Variants in EXO1 observed in about 807,000 individuals in gnomAD.
The protein encoded by EXO1 is exonuclease 1.
EXO1 carries 69 observed loss-of-function variants against 84.5 expected under a neutral mutation model. That is an observed-to-expected ratio of 0.82 (90% CI 0.67 to 1.00). EXO1 has a LOEUF of 1.00. EXO1 is among the 50% of genes least tolerant of loss of function. The pLI, the probability that EXO1 is intolerant of heterozygous loss-of-function variation, is 0.00. For missense variants in EXO1, 1,045 were observed against 1,000.7 expected (o/e 1.04, Z -0.60); for synonymous variants, 373 against 366.1 (o/e 1.02, Z -0.21).
At chr1:241,870,444 G>A (rs1662023470) in intron 11 of EXO1, among the ~76,000 whole-genome samples, 1 of 152,176 alleles carries the variant, frequency 6.6e-6, no homozygotes, top group Non-Finnish European at 1.5e-5. Context: ...TTTAAGAATT[G>A]TCTAGTTGTT....
At chr1:241,851,722 A>G (rs1447606379) in intron 4 of EXO1, among the ~76,000 whole-genome samples, 1 of 152,190 alleles carries the variant, frequency 6.6e-6, no homozygotes, top group Non-Finnish European at 1.5e-5. Context: ...CTCATCTGCC[A>G]TTGAGAAATA....
chr1:241,853,330 A>G (rs745643236), intron 5 of EXO1, 28 bp from the exon 6 acceptor site: 8 of 1,611,612 alleles, frequency 5.0e-6, no homozygotes, highest in Non-Finnish European at 6.8e-6. Context: ...TAAATGTTTT[A>G]TATTTAAAAA....
chr1:241,880,008 AAAAAAAAAAG>A (rs1396596589), intron 13 of EXO1, among the ~76,000 whole-genome samples: 1 of 151,948 alleles, frequency 6.6e-6, no homozygotes, highest in Admixed American at 6.6e-5. Flanking sequence ...CTGTCTCAAA[AAAAAAAAAAG>A]AAAAAAAAAG....
chr1:241,857,357 C>T lies in EXO1; in HGVS notation c.418C>T (p.Gln140Ter). Residue 140 changes from glutamine to a stop codon, truncating the protein, a stop_gained, in exon 7 of 16, where the codon CAG becomes TAG. Transcript: ENST00000366548. LOFTEE classifies it high-confidence loss of function. ...AHKVIKAARS[Q>*]GVDCLVAPYE... Reference sequence around the variant, plus strand: ...TTCTCTCTTCTAGGCTGCCCGGTCTCAGGGGGTAGATTGCCTCGTGGCTCC... The same window carrying T: ...TTCTCTCTTCTAGGCTGCCCGGTCTTAGGGGGTAGATTGCCTCGTGGCTCC... 1 of 1,613,822 alleles carries T rather than the reference C, an allele frequency of 6.2e-7. No individual in the cohort carries two copies. The highest frequency in any genetic ancestry group is 8.5e-7 in the Non-Finnish European group (1 of 1,179,858).
chr1:241,850,836 CTTTTTTTTTTT>C (rs10641736), intron 4 of EXO1, among the ~76,000 whole-genome samples: 15 of 105,096 alleles, frequency 1.4e-4, no homozygotes, highest in African/African-American at 4.4e-4. Flanking sequence ...CTCCTTTATT[CTTTTTTTTTTT>C]TTTTTTTTTT....
rs1231153041 is a variant in EXO1 at position 241,889,454 on chromosome 1, G to GTATTTT, written c.2406-10_2406-5dup. 6 of 1,611,226 alleles carry GTATTTT rather than the reference G, an allele frequency of 3.7e-6. No homozygotes were observed. In the Admixed American group the frequency reaches 5.0e-5, roughly 13 times the overall value. ...TTAAAAATACCAAATGTATTTTATTGTATTTTGCAGAGATTCTGAAAAGCT... is the reference window on the plus strand; with the variant it reads ...TTAAAAATACCAAATGTATTTTATTGTATTTTTATTTTGCAGAGATTCTGAAAAGCT... On this transcript the variant is annotated splice_polypyrimidine_tract_variant and intron_variant, in intron 15 of 15. Coordinates refer to ENST00000366548, the MANE Select transcript of EXO1 (RefSeq NM_130398.4).
chr1:241,882,828 T>C (rs1327260036), intron 14 of EXO1, among the ~76,000 whole-genome samples: 2 of 152,212 alleles, frequency 1.3e-5, no homozygotes, highest in Non-Finnish European at 2.9e-5. Flanking sequence ...TCATTTTTTA[T>C]GAGAGTATAG....
intron 12 of EXO1, among the ~76,000 whole-genome samples, chr1:241,873,368 A>G (rs1260267583): frequency 1.3e-5 from 2 of 152,344 alleles, no homozygotes; most frequent in East Asian, 3.9e-4. Context: ...TAGTTCTGAC[A>G]TAAACCCCTT....
chr1:241,852,213 T>G, intron 4 of EXO1, 79 bp from the exon 5 acceptor site: 6 of 1,269,302 alleles, frequency 4.7e-6, no homozygotes, highest in Non-Finnish European at 6.8e-6. Context: ...TTCCATAGTT[T>G]TCTCATCTGG....
intron 10 of EXO1, among the ~76,000 whole-genome samples, chr1:241,865,256 G>A (rs924746646): frequency 6.8e-6 from 1 of 146,328 alleles, no homozygotes; most frequent in African/African-American, 2.5e-5. Flanking sequence ...CTCTTGCCCA[G>A]GCTGGCACGC....
intron 9 of EXO1, 59 bp downstream of exon 9, chr1:241,860,763 T>G: frequency 2.8e-6 from 4 of 1,413,216 alleles, no homozygotes; most frequent in East Asian, 2.3e-5. Context: ...ATTTTTATGG[T>G]GATTTTTTTG....
At chr1:241,854,219 C>T (rs1660829005) in intron 6 of EXO1, among the ~76,000 whole-genome samples, 1 of 152,182 alleles carries the variant, frequency 6.6e-6, no homozygotes. Context: ...CTCACTGCAA[C>T]CTCTGCCTCC....
chr1:241,854,974 C>T (rs1321121769), intron 6 of EXO1, among the ~76,000 whole-genome samples: 2 of 151,710 alleles, frequency 1.3e-5, no homozygotes, highest in African/African-American at 4.9e-5. Context: ...TGGGGGCTCG[C>T]GGTCTTGCTG....
chr1:241,860,848 T>A, intron 9 of EXO1, 144 bp downstream of exon 9: 1 of 718,878 alleles, frequency 1.4e-6, no homozygotes, highest in Non-Finnish European at 2.4e-6. Context: ...ATTGTTCATT[T>A]AAATTACCAT....
At chr1:241,875,660 T>C (rs570257910) in intron 12 of EXO1, among the ~76,000 whole-genome samples, 105 of 152,244 alleles carry the variant, frequency 6.9e-4, no homozygotes, top group African/African-American at 1.9e-3. Flanking sequence ...GGTCGGATCA[T>C]GAGGTCAGGA....
At chr1:241,854,921 T>TA (rs1660885068) in intron 6 of EXO1, 1 of 153,688 alleles carries the variant, frequency 6.5e-6, no homozygotes, top group South Asian at 2.1e-4. Context: ...CGGTGAGTGT[T>TA]ACAGCTCTTA....
chr1:241,881,598 C>T (rs938710527), intron 13 of EXO1, among the ~76,000 whole-genome samples: 3 of 152,198 alleles, frequency 2.0e-5, no homozygotes, highest in South Asian at 2.1e-4. Context: ...CTTAACCACA[C>T]GTGCGTAACG....
chr1:241,872,486 T>C (rs1409685582), intron 12 of EXO1, among the ~76,000 whole-genome samples: 1 of 152,280 alleles, frequency 6.6e-6, no homozygotes, highest in East Asian at 1.9e-4. Flanking sequence ...GTATTTCTCC[T>C]AATGTTATCC....
chr1:241,855,270 C>A (rs182905529), intron 6 of EXO1, among the ~76,000 whole-genome samples: 297 of 150,038 alleles, frequency 2.0e-3, no homozygotes, highest in African/African-American at 7.0e-3. Flanking sequence ...CACAAAGATT[C>A]TCCACTGTCC....
Sources: gnomAD v4.1 joint callset for allele counts (sites outside exome capture counted in the v4.1 genomes callset) on GRCh38, gnomAD v4.1.1 for gene constraint, MANE v1.5 for transcripts, NCBI Gene and HGNC (gene_info 2026-07-23, HGNC 2026-07-21) for gene names.